The following SGF29 variants were observed in gnomAD, a reference collection of about 807,000 sequenced individuals.
SGF29 encodes SAGA complex associated factor 29, also known as SAGA-associated factor 29.
SGF29 carries 15 observed loss-of-function variants against 38.1 expected under a neutral mutation model. The observed-to-expected ratio is 0.39, with a 90% CI of 0.26 to 0.61. The LOEUF (loss-of-function observed/expected upper bound fraction) is 0.61, where lower values mean the gene tolerates loss of function less well. SGF29 is among the 20% of genes least tolerant of loss of function. The pLI, the probability that SGF29 is intolerant of heterozygous loss-of-function variation, is 0.49. For synonymous variants in SGF29, 151 were observed against 160.8 expected (o/e 0.94, Z 0.46); for missense variants, 184 against 394.6 (o/e 0.47, Z 4.52).
At chr16:28,560,268 A>G (rs1414698387) in intron 1 of SGF29, among the ~76,000 whole-genome samples, 1 of 151,036 alleles carries the variant, frequency 6.6e-6, no homozygotes, top group Non-Finnish European at 1.5e-5. Context: ...TTTACAAAAC[A>G]GGAAAATATG....
intron 1 of SGF29, among the ~76,000 whole-genome samples, chr16:28,563,720 T>G (rs1567285304): frequency 7.1e-6 from 1 of 141,696 alleles, no homozygotes. Flanking sequence ...ACAGACTTTT[T>G]TTTTTTTTTT....
At chr16:28,589,227 A>C (rs1370821337) in intron 5 of SGF29, 63 bp downstream of exon 5, 11 of 1,575,978 alleles carry the variant, frequency 7.0e-6, no homozygotes, top group Non-Finnish European at 9.6e-6. Context: ...CCCTGCGGGC[A>C]GCAGTCACCC....
rs1362555731 is a variant in SGF29 at position 28,590,230 on chromosome 16, G to C, written c.419+5G>C. The C allele has an allele frequency of 2.5e-6, 4 of 1,610,424 alleles. No individual in the cohort carries two copies. Among genetic ancestry groups the C allele is most frequent in the Non-Finnish European group, 1.7e-6 (2 of 1,178,674 alleles). On this transcript the variant is annotated splice_donor_5th_base_variant and intron_variant, in intron 6 of 9. Coordinates refer to ENST00000317058, the MANE Select transcript of SGF29 (RefSeq NM_138414.3). The surrounding 1 kb of genome is among the most constrained non-coding windows in gnomAD (Gnocchi z 8.2). ...GATCGGGAAGCCTGGTGACAAGTGA[G>C]GGCAGCAGCTGCGAGGGAGGGGCTG...
intron 4 of SGF29, 150 bp downstream of exon 4, chr16:28,585,870 GC>G: frequency 1.4e-6 from 1 of 731,350 alleles, no homozygotes. Flanking sequence ...GCATTCCCTG[GC>G]CCACTGCCAG....
intron 1 of SGF29, 37 bp downstream of exon 1, chr16:28,554,134 G>C (rs1163983318): frequency 6.6e-6 from 1 of 152,326 alleles, no homozygotes; most frequent in Non-Finnish European, 1.5e-5. Context: ...GACCTCCGGC[G>C]AAACGCGGGA....
At position 28,590,960 on chromosome 16, in the gene SGF29, C is replaced by A; in HGVS notation, c.765+25C>A. ...GGTAAAGCAGCCTCCAGGGGAGAGG[C>A]CATGGGTGATGTCAGGAACAGGCTG... On this transcript the variant is annotated intron_variant, in intron 9 of 9. Transcript: ENST00000317058. This position sits in a 1 kb window ranked among gnomAD's most constrained non-coding sequence, Gnocchi z 8.2. 10 of 1,585,052 alleles carry A rather than the reference C, an allele frequency of 6.3e-6. No homozygotes were observed. Among genetic ancestry groups the A allele is most frequent in the Non-Finnish European group, 7.7e-6 (9 of 1,164,024 alleles).
At chr16:28,565,769 G>C (rs564688853) in intron 1 of SGF29, among the ~76,000 whole-genome samples, 1 of 151,836 alleles carries the variant, frequency 6.6e-6, no homozygotes, top group Non-Finnish European at 1.5e-5. Context: ...TTACAGACGT[G>C]AGCCACCACG....
chr16:28,580,950 G>A (rs569491221), intron 1 of SGF29, 105 bp from the exon 2 acceptor site: 1 of 850,344 alleles, frequency 1.2e-6, no homozygotes, highest in Non-Finnish European at 1.9e-6. Context: ...CAAAGTGCTG[G>A]GATTACAGCA....
At chr16:28,576,998 A>T (rs1264221429) in intron 1 of SGF29, among the ~76,000 whole-genome samples, 1 of 151,958 alleles carries the variant, frequency 6.6e-6, no homozygotes, top group African/African-American at 2.4e-5. Context: ...ACATGTCGAA[A>T]CCCCGTCTCT....
intron 1 of SGF29, among the ~76,000 whole-genome samples, chr16:28,564,590 T>TAC (rs201548938): frequency 5.4e-5 from 7 of 129,738 alleles, no homozygotes; most frequent in East Asian, 4.1e-4. Flanking sequence ...CGTATATATA[T>TAC]ACACACATAT....
At chr16:28,556,881 C>T (rs1359327585) in intron 1 of SGF29, among the ~76,000 whole-genome samples, 1 of 151,990 alleles carries the variant, frequency 6.6e-6, no homozygotes, top group Non-Finnish European at 1.5e-5. Flanking sequence ...CTCCTGACTT[C>T]AAGTGATCCT....
chr16:28,573,516 G>A (rs185960512), intron 1 of SGF29, among the ~76,000 whole-genome samples: 12 of 152,294 alleles, frequency 7.9e-5, no homozygotes, highest in Middle Eastern at 3.4e-3. Flanking sequence ...AAGTTTTGCC[G>A]TGAAGAGGAA....
rs1567294084 is a variant in SGF29, at chr16:28,590,909, G to A, written c.739G>A (p.Ala247Thr). The A allele has an allele frequency of 5.0e-6, 8 of 1,612,288 alleles. No individual in the cohort carries two copies. The highest frequency in any genetic ancestry group is 6.8e-6 in the Non-Finnish European group (8 of 1,179,190). Residue 247 changes from alanine (A) to threonine (T), a missense_variant, in exon 9 of 10, where the codon GCC becomes ACC. Ala to Thr is a moderately conservative substitution (Grantham distance 58). Coordinates refer to ENST00000317058, the MANE Select transcript of SGF29 (RefSeq NM_138414.3). The surrounding 1 kb of genome is among the most constrained non-coding windows in gnomAD (Gnocchi z 8.2). ...LYPQTTCFYR[A>T]LIHAPPQRPQ... ...TCCCCAGACTACCTGCTTCTACCGC[G>A]CCCTGATCCATGCGCCCCCACAGCG...
intron 9 of SGF29, among the ~76,000 whole-genome samples, 172 bp downstream of exon 9, chr16:28,591,107 C>T (rs1159763067): frequency 6.6e-6 from 1 of 152,192 alleles, no homozygotes; most frequent in African/African-American, 2.4e-5. Context: ...GCCACCATCC[C>T]TTTGCCAGCC....
At chr16:28,554,674 C>A (rs1254225713) in intron 1 of SGF29, among the ~76,000 whole-genome samples, 1 of 152,126 alleles carries the variant, frequency 6.6e-6, no homozygotes. Flanking sequence ...CCAGTTACCT[C>A]CTCCTCGGCT....
chr16:28,560,609 C>T (rs868105831), intron 1 of SGF29, among the ~76,000 whole-genome samples: 3 of 139,810 alleles, frequency 2.1e-5, no homozygotes, highest in Admixed American at 7.3e-5. Context: ...AAAAAAAGAA[C>T]GAAAATTTTA....
intron 1 of SGF29, among the ~76,000 whole-genome samples, chr16:28,576,448 C>T (rs895591529): frequency 4.6e-5 from 7 of 152,260 alleles, no homozygotes; most frequent in South Asian, 2.1e-4. Flanking sequence ...CACCTGTAAT[C>T]CCAGCACTTT....
At chr16:28,554,143 G>C (rs1175175383) in intron 1 of SGF29, 46 bp downstream of exon 1, 2 of 152,414 alleles carry the variant, frequency 1.3e-5, no homozygotes, top group Admixed American at 6.5e-5. Flanking sequence ...CGAAACGCGG[G>C]AGCGAAGGGC....
chr16:28,590,899 C>T lies in SGF29; in HGVS notation c.729C>T (p.Cys243=). 3 of 1,613,204 alleles carry T rather than the reference C, an allele frequency of 1.9e-6. No individual in the cohort carries two copies. Among genetic ancestry groups the T allele is most frequent in the Non-Finnish European group, 2.5e-6 (3 of 1,179,624 alleles). Residue 243 remains cysteine, a synonymous_variant, in exon 9 of 10, where the codon TGC becomes TGT. Transcript: ENST00000317058. This position sits in a 1 kb window ranked among gnomAD's most constrained non-coding sequence, Gnocchi z 8.2. ...TGGCCCTGTATCCCCAGACTACCTG[C>T]TTCTACCGCGCCCTGATCCATGCGC... ...LVLALYPQTT[C]FYRALIHAPP...
Sources: allele counts gnomAD v4.1 joint callset (sites outside exome capture counted in the v4.1 genomes callset), GRCh38; gene constraint gnomAD v4.1.1; non-coding constraint Gnocchi (gnomAD v3.1); transcripts MANE v1.5; gene names NCBI Gene and HGNC (gene_info 2026-07-23, HGNC 2026-07-21).